SCAF8: variants seen among roughly 807,000 people sequenced by gnomAD.
The protein encoded by SCAF8 is SR-related CTD associated factor 8.
A neutral mutation model predicts 140.5 loss-of-function variants in SCAF8; 23 were observed. That is an observed-to-expected ratio of 0.16 (90% CI 0.12 to 0.23). The LOEUF (loss-of-function observed/expected upper bound fraction) is 0.23. Ranked by LOEUF, SCAF8 falls within the 10% of genes least tolerant of loss-of-function variation. SCAF8 has a pLI of 1.00. For missense variants in SCAF8, 1,397 were observed against 1,555.7 expected (o/e 0.90, Z 1.72); for synonymous variants, 575 against 528.9 (o/e 1.09, Z -1.20).
Position 154,739,033 on chromosome 6 carries a change from T to C in SCAF8, c.30+5103T>C, listed in dbSNP as rs556349880. Among the ~76,000 whole-genome samples, 97 of 152,340 alleles carry C rather than the reference T, an allele frequency of 6.4e-4. 5 individuals are homozygous for C. In the South Asian group the frequency reaches 0.017, roughly 27 times the overall value. On this transcript the variant is annotated intron_variant, in intron 1 of 19. Coordinates refer to ENST00000367178, the MANE Select transcript of SCAF8 (RefSeq NM_014892.5). The stretch of plus-strand genomic sequence containing the variant: ...AAGACTGAGTTTCTCTTGCCCAGGC[T>C]AGAGTGCAAGGACAGGATCATAGCT...
rs183209773 is a variant in SCAF8 at position 154,748,097 on chromosome 6, C to T, written c.30+14167C>T. Among the ~76,000 whole-genome samples, 11 of 152,272 alleles carry T rather than the reference C, an allele frequency of 7.2e-5. No homozygotes were observed. The East Asian group carries it at 1.7e-3, about 24-fold the overall frequency. On this transcript the variant is annotated intron_variant, in intron 1 of 19. Transcript: ENST00000367178. Reference sequence around the variant, plus strand: ...AAGGTTAGCTCATTGCTTTCTATCTCTTCCTTTTTTGTGAAGTGTAATATT... The same window carrying T: ...AAGGTTAGCTCATTGCTTTCTATCTTTTCCTTTTTTGTGAAGTGTAATATT...
intron 13 of SCAF8, among the ~76,000 whole-genome samples, chr6:154,816,399 C>CA (rs1481307333): frequency 6.6e-6 from 1 of 152,252 alleles, no homozygotes; most frequent in African/African-American, 2.4e-5. Flanking sequence ...TTGCACCACT[C>CA]AGTCTCCTCC....
chr6:154,768,235 T>G (rs1008270109), intron 1 of SCAF8, among the ~76,000 whole-genome samples: 3 of 152,178 alleles, frequency 2.0e-5, no homozygotes, highest in African/African-American at 7.2e-5. Flanking sequence ...ATCAAGCAAG[T>G]CAGCGCTTTT....
At chr6:154,805,299 G>T in intron 8 of SCAF8, 70 bp from the exon 9 acceptor site, 1 of 869,774 alleles carries the variant, frequency 1.1e-6, no homozygotes, top group African/African-American at 1.7e-5. Context: ...TGTTTTCTTT[G>T]AATACTCAGT....
At position 154,740,625 on chromosome 6, in the gene SCAF8, CT is replaced by C. The variant is rs66980794; in HGVS notation, c.30+6709del. Reference sequence around the variant, plus strand: ...AGATTTTCTTTTTCTTTTTCTTTTTCTTTTTTTTTTTTTTGAGACTGGGTCT... The same window carrying C: ...AGATTTTCTTTTTCTTTTTCTTTTTCTTTTTTTTTTTTTGAGACTGGGTCT... On this transcript the variant is annotated intron_variant, in intron 1 of 19. Transcript: ENST00000367178. Among the ~76,000 whole-genome samples, 495 of 138,478 alleles carry C rather than the reference CT, an allele frequency of 3.6e-3. 2 individuals carry two copies. Among genetic ancestry groups the C allele is most frequent in the African/African-American group, 0.011 (396 of 37,278 alleles). 90.8% of individuals were successfully genotyped at this position (138,478 alleles called of 152,430 possible).
In SCAF8 at chr6:154,831,159, A is replaced by G. The variant is rs1239969948; in HGVS notation, c.2359+19A>G. On this transcript the variant is annotated intron_variant, in intron 19 of 19. Transcript: ENST00000367178. ...AGATCAGGTAAATAATAATAATAAA[A>G]TTTAAAAAAAGAGGTTGCCTCTCTG... 4 of 1,443,740 alleles carry G rather than the reference A, an allele frequency of 2.8e-6. 1 individual carries two copies. Among genetic ancestry groups the G allele is most frequent in the Non-Finnish European group, 1.9e-6 (2 of 1,066,464 alleles). The allele number at this position is 1,443,740 out of a possible 1,614,324, so 89.4% of individuals were successfully genotyped here.
At chr6:154,816,382 A>G (rs552763831) in intron 13 of SCAF8, among the ~76,000 whole-genome samples, 3 of 152,288 alleles carry the variant, frequency 2.0e-5, no homozygotes, top group East Asian at 3.9e-4. Context: ...TGATTCTTGC[A>G]CTAGTTTTGC....
chr6:154,747,589 A>G (rs949728184), intron 1 of SCAF8, among the ~76,000 whole-genome samples: 5 of 152,190 alleles, frequency 3.3e-5, no homozygotes, highest in African/African-American at 7.2e-5. Flanking sequence ...GCCAAAGGCT[A>G]TGCTTTGCTG....
intron 1 of SCAF8, among the ~76,000 whole-genome samples, chr6:154,754,031 A>G (rs1778905901): frequency 6.6e-6 from 1 of 152,158 alleles, no homozygotes; most frequent in African/African-American, 2.4e-5. Context: ...TATTTTCTCC[A>G]AACCCAAACA....
chr6:154,767,446 C>T (rs1215870771), intron 1 of SCAF8, among the ~76,000 whole-genome samples: 1 of 151,516 alleles, frequency 6.6e-6, no homozygotes, highest in East Asian at 1.9e-4. Flanking sequence ...ACTCATTCTC[C>T]TCAACGATAT....
chr6:154,802,241 C>CT, intron 7 of SCAF8, 94 bp downstream of exon 7: 4 of 713,334 alleles, frequency 5.6e-6, no homozygotes, highest in Non-Finnish European at 8.7e-6. Context: ...TTATTGTAGA[C>CT]TTTCAGTATC....
chr6:154,778,012 T>C lies in SCAF8; in HGVS notation c.126T>C (p.His42=). 6.6e-7 allele frequency: 1 copy of C among 1,515,228 alleles called. No individual in the cohort carries two copies. The highest frequency in any genetic ancestry group is 9.1e-7 in the Non-Finnish European group (1 of 1,095,102). The allele number at this position is 1,515,228 out of a possible 1,614,324, so 93.9% of individuals were successfully genotyped here. Residue 42 remains histidine, a synonymous_variant, in exon 3 of 20, where the codon CAT becomes CAC. Coordinates refer to ENST00000367178, the MANE Select transcript of SCAF8 (RefSeq NM_014892.5). ...AAIKAIKFYK[H]VVQSVEKFIQ... Reference sequence around the variant, plus strand: ...TTTTCCTCTTTTAGTTCTATAAACATGTGGTACAGAGTGTTGAGAAGTTTA... The same window carrying C: ...TTTTCCTCTTTTAGTTCTATAAACACGTGGTACAGAGTGTTGAGAAGTTTA...
chr6:154,811,323 G>A (rs1778083142), intron 12 of SCAF8, among the ~76,000 whole-genome samples: 1 of 151,504 alleles, frequency 6.6e-6, no homozygotes, highest in African/African-American at 2.4e-5. Context: ...TTAGAGTAAG[G>A]ATTTTATATG....
chr6:154,762,385 T>G (rs570582236), intron 1 of SCAF8, among the ~76,000 whole-genome samples: 1 of 152,328 alleles, frequency 6.6e-6, no homozygotes, highest in East Asian at 1.9e-4. Context: ...AGGTCTCTTT[T>G]TTTGTTTACT....
At chr6:154,792,765 G>T (rs1410249099) in intron 4 of SCAF8, 58 bp from the exon 5 acceptor site, 1 of 1,219,140 alleles carries the variant, frequency 8.2e-7, no homozygotes, top group South Asian at 1.7e-5. Flanking sequence ...TCTATGAAAT[G>T]ACTGTACTAA....
chr6:154,773,288 A>G (rs1327993656), intron 1 of SCAF8, among the ~76,000 whole-genome samples: 1 of 152,230 alleles, frequency 6.6e-6, no homozygotes, highest in Non-Finnish European at 1.5e-5. Context: ...GATATTACAT[A>G]TAAATGGAAT....
At chr6:154,783,405 A>G (rs1338461345) in intron 3 of SCAF8, among the ~76,000 whole-genome samples, 8 of 152,204 alleles carry the variant, frequency 5.3e-5, no homozygotes, top group Admixed American at 5.2e-4. Flanking sequence ...AATAAATTTC[A>G]TCTTTCTGGC....
At chr6:154,827,357 G>C in intron 18 of SCAF8, 117 bp downstream of exon 18, 1 of 684,328 alleles carries the variant, frequency 1.5e-6, no homozygotes, top group South Asian at 2.3e-5. Flanking sequence ...TAAGACAAAT[G>C]CATGTTAGAT....
chr6:154,815,841 A>C (rs1317828530), intron 13 of SCAF8, 25 bp downstream of exon 13: 1 of 1,474,338 alleles, frequency 6.8e-7, no homozygotes, highest in South Asian at 1.1e-5. Flanking sequence ...TTAATAATTT[A>C]AGGTTTTAAA....
Sources: gnomAD v4.1 joint callset for allele counts (sites outside exome capture counted in the v4.1 genomes callset) on GRCh38, gnomAD v4.1.1 for gene constraint, MANE v1.5 for transcripts, NCBI Gene and HGNC (gene_info 2026-07-23, HGNC 2026-07-21) for gene names.